The following CALN1 variants were observed in gnomAD, a reference collection of about 807,000 sequenced individuals.
CALN1 encodes calcium-binding protein 8.
A neutral mutation model predicts 30.6 loss-of-function variants in CALN1; 17 were observed. That is an observed-to-expected ratio of 0.56 (90% CI 0.38 to 0.83). The LOEUF (loss-of-function observed/expected upper bound fraction) is 0.83. Among genes scored for constraint, CALN1 ranks in the 40% least tolerant of loss-of-function variants. The pLI is 0.00. For missense variants in CALN1, 291 were observed against 354.9 expected (o/e 0.82, Z 1.45); for synonymous variants, 156 against 131.4 (o/e 1.19, Z -1.28).
chr7:71,962,567 C>T (rs1371588074), intron 5 of CALN1, among the ~76,000 whole-genome samples: 1 of 152,242 alleles, frequency 6.6e-6, no homozygotes, highest in Non-Finnish European at 1.5e-5. Context: ...TATTTCCCCT[C>T]ATCTCAACCT....
At chr7:72,343,242 G>T (rs765441816) in intron 2 of CALN1, among the ~76,000 whole-genome samples, 5 of 152,164 alleles carry the variant, frequency 3.3e-5, no homozygotes, top group Non-Finnish European at 7.3e-5. Context: ...CGTCCCAGCA[G>T]AACAGTTAGC....
At chr7:72,437,567 C>G (rs1299585979) in intron 1 of CALN1, among the ~76,000 whole-genome samples, 3 of 146,036 alleles carry the variant, frequency 2.1e-5, no homozygotes, top group Non-Finnish European at 3.1e-5. Flanking sequence ...GCAAATTTAT[C>G]TTTTTAGGTC....
intron 3 of CALN1, among the ~76,000 whole-genome samples, chr7:72,208,968 T>TTTCC (rs973012020): frequency 6.6e-6 from 1 of 151,280 alleles, no homozygotes; most frequent in African/African-American, 2.4e-5. Context: ...CCTCCCTCCC[T>TTTCC]TTCCTTCCTT....
intron 4 of CALN1, among the ~76,000 whole-genome samples, chr7:72,038,940 T>C (rs844670): frequency 0.63 from 95,986 of 152,050 alleles, 30,561 homozygotes; most frequent in East Asian, 0.76. Flanking sequence ...GCCGTTCTTT[T>C]ATTCCTTTAC....
intron 2 of CALN1, among the ~76,000 whole-genome samples, chr7:72,284,350 G>T (rs951844871): frequency 3.3e-5 from 5 of 152,178 alleles, no homozygotes; most frequent in Non-Finnish European, 5.9e-5. Flanking sequence ...AACTTGAAAT[G>T]ATGCCCTTTT....
intron 3 of CALN1, among the ~76,000 whole-genome samples, chr7:72,215,279 A>G (rs1004303413): frequency 2.0e-5 from 3 of 152,232 alleles, no homozygotes; most frequent in Middle Eastern, 3.4e-3. Context: ...AACTTGCCTC[A>G]CCACCTCTGT....
At chr7:72,268,694 G>A (rs1380350322) in intron 3 of CALN1, among the ~76,000 whole-genome samples, 2 of 152,018 alleles carry the variant, frequency 1.3e-5, no homozygotes, top group Admixed American at 1.3e-4. Context: ...CTACTCGGGA[G>A]GCCGAGGCAG....
intron 3 of CALN1, among the ~76,000 whole-genome samples, chr7:72,266,366 GC>G (rs1450127923): frequency 6.6e-6 from 1 of 152,158 alleles, no homozygotes; most frequent in Non-Finnish European, 1.5e-5. Flanking sequence ...TGAATATGGG[GC>G]AAAGAGTTCC....
At chr7:72,444,658 C>A (rs1405239045) in intron 1 of CALN1, among the ~76,000 whole-genome samples, 2 of 152,198 alleles carry the variant, frequency 1.3e-5, no homozygotes, top group Non-Finnish European at 2.9e-5. Context: ...ACTATTTAAA[C>A]AGTCCAATCC....
At chr7:72,328,480 C>T (rs970732847) in intron 2 of CALN1, among the ~76,000 whole-genome samples, 1 of 152,212 alleles carries the variant, frequency 6.6e-6, no homozygotes, top group Non-Finnish European at 1.5e-5. Flanking sequence ...ACTGTGAGTG[C>T]ATCAAGCCTC....
At chr7:71,998,438 A>G (rs943149136) in intron 5 of CALN1, among the ~76,000 whole-genome samples, 10 of 152,288 alleles carry the variant, frequency 6.6e-5, no homozygotes, top group African/African-American at 2.4e-4. Flanking sequence ...CAAGACAATG[A>G]TATTTAAGAG....
intron 5 of CALN1, among the ~76,000 whole-genome samples, chr7:71,986,730 C>T (rs1410200740): frequency 6.6e-6 from 1 of 152,194 alleles, no homozygotes; most frequent in African/African-American, 2.4e-5. Context: ...GAAGCAAATG[C>T]TGCATAGTTT....
At chr7:72,297,420 A>G (rs1322607876) in intron 2 of CALN1, among the ~76,000 whole-genome samples, 1 of 152,216 alleles carries the variant, frequency 6.6e-6, no homozygotes. Context: ...GTTTATTAAA[A>G]CAAATATAGA....
At chr7:72,441,303 T>C (rs1585733183) in intron 1 of CALN1, among the ~76,000 whole-genome samples, 2 of 151,734 alleles carry the variant, frequency 1.3e-5, no homozygotes, top group East Asian at 3.9e-4. Flanking sequence ...AAGTTAAAAA[T>C]TGGGAGAATG....
intron 5 of CALN1, among the ~76,000 whole-genome samples, chr7:71,837,243 CAAAAA>C (rs55977265): frequency 8.8e-5 from 7 of 79,130 alleles, no homozygotes; most frequent in East Asian, 5.3e-4. Context: ...AAAAAAAAGA[CAAAAA>C]AAAAAAAAAA....
chr7:72,463,190 T>C, the CALN1 span, among the ~76,000 whole-genome samples: 1 of 152,094 alleles, frequency 6.6e-6, no homozygotes, highest in Non-Finnish European at 1.5e-5. Flanking sequence ...GGCACGATCT[T>C]GGCTCACTGC....
At chr7:71,790,413 AAAGAAAGAAAG>A (rs1049555721) in intron 6 of CALN1, among the ~76,000 whole-genome samples, 9 of 150,824 alleles carry the variant, frequency 6.0e-5, no homozygotes, top group Admixed American at 4.0e-4. Flanking sequence ...AGAAAGAAAG[AAAGAAAGAAAG>A]AAGCAAGCAA....
chr7:72,383,958 C>T (rs1805059549), intron 2 of CALN1, among the ~76,000 whole-genome samples: 1 of 152,164 alleles, frequency 6.6e-6, no homozygotes, highest in Non-Finnish European at 1.5e-5. Context: ...GGTATATACC[C>T]AAAGGATTAT....
chr7:72,327,467 C>A (rs1364348355), intron 2 of CALN1, among the ~76,000 whole-genome samples: 1 of 152,142 alleles, frequency 6.6e-6, no homozygotes, highest in African/African-American at 2.4e-5. Flanking sequence ...CCAGCCTGGG[C>A]AACAGAGCAA....
Sources: allele counts gnomAD v4.1 joint callset (sites outside exome capture counted in the v4.1 genomes callset), GRCh38; gene constraint gnomAD v4.1.1; transcripts MANE v1.5; gene names NCBI Gene and HGNC (gene_info 2026-07-23, HGNC 2026-07-21).